The following HLCS variants were observed in gnomAD, a reference collection of about 807,000 sequenced individuals.
The protein encoded by HLCS is holocarboxylase synthetase.
HLCS carries 53 observed loss-of-function variants against 75.0 expected under a neutral mutation model. The ratio of observed to expected loss-of-function variants is 0.71; its 90% CI spans 0.57 to 0.89. The LOEUF is 0.89. HLCS is among the 40% of genes least tolerant of loss of function. The probability of loss-of-function intolerance (pLI) is 0.00; values close to 1 mark genes in which losing one functional copy is unlikely to be tolerated. For synonymous variants in HLCS, 431 were observed against 428.6 expected (o/e 1.01, Z -0.07); for missense variants, 966 against 1,074.0 (o/e 0.90, Z 1.41).
chr21:36,954,245 G>T (rs1165831096), intron 2 of HLCS, among the ~76,000 whole-genome samples: 1 of 151,954 alleles, frequency 6.6e-6, no homozygotes, highest in Non-Finnish European at 1.5e-5. Flanking sequence ...GGCAGAGGTT[G>T]CAGTGAGCTA....
intron 10 of HLCS, 29 bp downstream of exon 10, chr21:36,756,513 G>T: frequency 5.2e-6 from 4 of 772,374 alleles, no homozygotes; most frequent in Non-Finnish European, 6.4e-6. Context: ...TAAAGGAGTT[G>T]AAAAGAATGA....
intron 1 of HLCS, among the ~76,000 whole-genome samples, chr21:36,981,403 T>TTTC (rs2069118242): frequency 7.0e-6 from 1 of 143,022 alleles, no homozygotes; most frequent in South Asian, 2.4e-4. Context: ...TCCTTTTTTT[T>TTTC]TTTTTTTTTT....
At chr21:36,814,761 T>G (rs2061610320) in intron 6 of HLCS, among the ~76,000 whole-genome samples, 1 of 152,236 alleles carries the variant, frequency 6.6e-6, no homozygotes, top group South Asian at 2.1e-4. Context: ...GGGTTCTGAT[T>G]GGATAGGGTC....
At chr21:36,940,062 AATAAAT>A (rs1214396015) in intron 2 of HLCS, among the ~76,000 whole-genome samples, 1 of 152,092 alleles carries the variant, frequency 6.6e-6, no homozygotes, top group Non-Finnish European at 1.5e-5. Context: ...AACATAAATA[AATAAAT>A]ATAATTTAAA....
At chr21:36,822,984 G>T (rs572860491) in intron 6 of HLCS, among the ~76,000 whole-genome samples, 2 of 152,168 alleles carry the variant, frequency 1.3e-5, no homozygotes, top group Non-Finnish European at 2.9e-5. Context: ...ATTGATTAGG[G>T]CATAACCACT....
rs147256659 is a variant in HLCS at position 36,754,342 on chromosome 21, G to C, written c.2526C>G (p.Leu842=). Residue 842 remains leucine, a synonymous_variant, in exon 11 of 11, where the codon CTC becomes CTG. Coordinates refer to ENST00000674895, the MANE Select transcript of HLCS (RefSeq NM_001352514.2). ...SIVGLDDSGF[L]QVHQEGGEVV... ...CCTCGCCGCCCTCCTGGTGAACCTG[G>C]AGGAAGCCAGAATCGTCCAGGCCAA... 7 of 1,614,044 alleles carry C rather than the reference G, an allele frequency of 4.3e-6. No homozygotes were observed. Among genetic ancestry groups the C allele is most frequent in the African/African-American group, 1.3e-5 (1 of 75,046 alleles).
At chr21:36,850,753 G>A (rs1336238695) in intron 6 of HLCS, among the ~76,000 whole-genome samples, 1 of 152,158 alleles carries the variant, frequency 6.6e-6, no homozygotes, top group Non-Finnish European at 1.5e-5. Context: ...GGGTGACACT[G>A]GTCAACAGGT....
chr21:36,775,548 C>G (rs1461011652), intron 6 of HLCS, among the ~76,000 whole-genome samples: 1 of 152,240 alleles, frequency 6.6e-6, no homozygotes, highest in Admixed American at 6.5e-5. Flanking sequence ...GCCCTGATGG[C>G]AGATCCCTGC....
At chr21:36,905,890 A>G (rs1258712782) in intron 5 of HLCS, among the ~76,000 whole-genome samples, 1 of 152,016 alleles carries the variant, frequency 6.6e-6, no homozygotes, top group African/African-American at 2.4e-5. Context: ...CACTTCTACA[A>G]AAATACAAAA....
At chr21:36,945,139 A>C (rs1025748806) in intron 2 of HLCS, among the ~76,000 whole-genome samples, 1 of 152,184 alleles carries the variant, frequency 6.6e-6, no homozygotes, top group African/African-American at 2.4e-5. Context: ...AAAATGTTGC[A>C]CTATTCCTCT....
intron 5 of HLCS, among the ~76,000 whole-genome samples, chr21:36,908,833 A>G (rs1279181124): frequency 6.6e-6 from 1 of 152,220 alleles, no homozygotes; most frequent in Admixed American, 6.5e-5. Flanking sequence ...CTAATCATCT[A>G]GTGATAGACA....
At chr21:36,844,364 G>C (rs1204292279) in intron 6 of HLCS, among the ~76,000 whole-genome samples, 1 of 152,136 alleles carries the variant, frequency 6.6e-6, no homozygotes, top group African/African-American at 2.4e-5. Context: ...CGGCGGGCGA[G>C]ACAGAAGGAC....
intron 6 of HLCS, among the ~76,000 whole-genome samples, chr21:36,862,669 C>T (rs2063419475): frequency 6.6e-6 from 1 of 152,232 alleles, no homozygotes. Context: ...GTTCCTCTCA[C>T]CCTCCTGTAA....
chr21:36,913,411 TGGG>T (rs761948938), intron 5 of HLCS, among the ~76,000 whole-genome samples: 1 of 145,398 alleles, frequency 6.9e-6, no homozygotes, highest in Non-Finnish European at 1.5e-5. Context: ...GAGCTGGGGG[TGGG>T]GTAGGAGGGA....
At chr21:36,778,569 G>A (rs555564414) in intron 6 of HLCS, among the ~76,000 whole-genome samples, 30 of 152,262 alleles carry the variant, frequency 2.0e-4, no homozygotes, top group South Asian at 4.2e-4. Flanking sequence ...GTGAGCCACC[G>A]TGCCTGGCCT....
intron 6 of HLCS, among the ~76,000 whole-genome samples, chr21:36,860,281 G>A (rs969559803): frequency 1.3e-4 from 19 of 151,944 alleles, no homozygotes; most frequent in Non-Finnish European, 2.8e-4. Flanking sequence ...TTAGTGGCGG[G>A]GCGGGACTCA....
At chr21:36,779,173 G>A (rs1327532365) in intron 6 of HLCS, among the ~76,000 whole-genome samples, 1 of 151,884 alleles carries the variant, frequency 6.6e-6, no homozygotes, top group Non-Finnish European at 1.5e-5. Context: ...CCATATACAT[G>A]GGTTTCACAT....
chr21:36,926,040 G>T (rs1218489923), intron 5 of HLCS, among the ~76,000 whole-genome samples: 1 of 152,202 alleles, frequency 6.6e-6, no homozygotes, highest in Non-Finnish European at 1.5e-5. Context: ...GTCACCCACT[G>T]GTGGCGGGAA....
chr21:36,940,446 G>A (rs1443443369), intron 2 of HLCS, among the ~76,000 whole-genome samples: 2 of 152,060 alleles, frequency 1.3e-5, no homozygotes, highest in East Asian at 3.9e-4. Context: ...CGAGTAGCTG[G>A]GACAACAGGC....
Sources: gnomAD v4.1 joint callset for allele counts (sites outside exome capture counted in the v4.1 genomes callset) on GRCh38, gnomAD v4.1.1 for gene constraint, MANE v1.5 for transcripts, NCBI Gene and HGNC (gene_info 2026-07-23, HGNC 2026-07-21) for gene names.